Variants in TBP observed in about 807,000 individuals in gnomAD.
TBP encodes TATA-box-binding protein.
Under a neutral mutation model 46.2 loss-of-function variants are expected in TBP, and 12 were observed. The ratio of observed to expected loss-of-function variants is 0.26; its 90% CI spans 0.17 to 0.42. The LOEUF (loss-of-function observed/expected upper bound fraction) is 0.42, where lower values mean the gene tolerates loss of function less well. Among genes scored for constraint, TBP ranks in the 10% least tolerant of loss-of-function variants. The pLI, the probability that TBP is intolerant of heterozygous loss-of-function variation, is 1.00. For synonymous variants in TBP, 157 were observed against 148.3 expected, an observed-to-expected ratio of 1.06 and a Z score of -0.42; for missense variants, 229 against 403.1, an observed-to-expected ratio of 0.57 and a Z score of 3.70.
intron 3 of TBP, among the ~76,000 whole-genome samples, chr6:170,563,440 A>C (rs1016175653): frequency 6.6e-6 from 1 of 152,172 alleles, no homozygotes; most frequent in African/African-American, 2.4e-5. Flanking sequence ...AATTAATGAA[A>C]ATATATAAGA....
Position 170,561,976 on chromosome 6 carries a change from G to GCAA in TBP, c.242_243insACA (p.Gln95dup). The GCAA allele has an allele frequency of 4.7e-6, 7 of 1,475,274 alleles. No individual in the cohort carries two copies. The South Asian group carries it at 6.0e-5, about 13-fold the overall frequency. The allele number at this position is 1,475,274 out of a possible 1,614,324, so 91.4% of individuals were successfully genotyped here. A position where few individuals can be genotyped will look rare whatever the true frequency, so the allele number is the denominator to read the frequency against. ...AACAGCAACAGCAGCAGCAGCAGCA[G>GCAA]CAGCAGCAGCAGCAGCAGCAGCAGC... On this transcript the variant is annotated inframe_insertion, in exon 3 of 8. Coordinates refer to ENST00000392092, the MANE Select transcript of TBP (RefSeq NM_003194.5).
intron 4 of TBP, 52 bp from the exon 5 acceptor site, chr6:170,566,866 A>G (rs1779260505): frequency 6.4e-7 from 1 of 1,555,880 alleles, no homozygotes; most frequent in African/African-American, 1.4e-5. Context: ...TCGCCTAACA[A>G]CATTGAGCAG....
At chr6:170,558,787 G>A (rs1372056106) in intron 2 of TBP, among the ~76,000 whole-genome samples, 5 of 150,112 alleles carry the variant, frequency 3.3e-5, no homozygotes, top group Admixed American at 6.7e-5. Context: ...TCCATCTCCC[G>A]TGTTCAAGCG....
intron 5 of TBP, 52 bp downstream of exon 5, chr6:170,567,061 G>T (rs62430342): frequency 6.7e-7 from 1 of 1,483,122 alleles, no homozygotes; most frequent in South Asian, 1.2e-5. Flanking sequence ...ATGAAAAGGT[G>T]ATATCTCATT....
chr6:170,554,594 GTGC>G (rs1778978333), intron 1 of TBP, 131 bp downstream of exon 1: 1 of 152,710 alleles, frequency 6.5e-6, no homozygotes, highest in Non-Finnish European at 1.5e-5. Flanking sequence ...CCTCCCTTTC[GTGC>G]TGCCGCCGTT....
In TBP at chr6:170,561,966, AGCAGCAGCAGCAGCAGCAGCAGCAGCAG is replaced by A. The variant is rs1779152986; in HGVS notation, c.231_258del (p.Gln77HisfsTer58). The A allele has an allele frequency of 8.6e-4, 1,114 of 1,292,482 alleles. 1 individual carries two copies. The highest frequency in any genetic ancestry group is 2.5e-3 in the South Asian group (195 of 78,662). 80.1% of individuals were successfully genotyped at this position (1,292,482 alleles called of 1,614,324 possible). On this transcript the variant is annotated frameshift_variant, in exon 3 of 8. Coordinates refer to ENST00000392092, the MANE Select transcript of TBP (RefSeq NM_003194.5). LOFTEE classifies it high-confidence loss of function. ...CAGCAGCAGCAACAGCAACAGCAGC[AGCAGCAGCAGCAGCAGCAGCAGCAGCAG>A]CAGCAGCAGCAGCAGCAGCAGCAAC...
intron 4 of TBP, among the ~76,000 whole-genome samples, chr6:170,565,456 T>G (rs758194188): frequency 8.5e-5 from 13 of 152,202 alleles, no homozygotes; most frequent in Non-Finnish European, 1.8e-4. Context: ...TAGGGTGCAT[T>G]TTAAAATCCC....
chr6:170,562,114 T>A lies in TBP; in HGVS notation c.378T>A (p.Thr126=), dbSNP rs2114994860. The A allele has an allele frequency of 1.2e-6, 2 of 1,614,002 alleles. No individual in the cohort carries two copies. The highest frequency in any genetic ancestry group is 4.5e-5 in the East Asian group (2 of 44,880). The change falls in exon 3 of 8, where the codon ACT becomes ACA. Residue 126 remains threonine (T), a synonymous_variant. Coordinates refer to ENST00000392092, the MANE Select transcript of TBP (RefSeq NM_003194.5). ...GQAPQLFHSQ[T]LTTAPLPGTT... is the part of the protein sequence containing the mutation. Reference sequence around the variant, plus strand: ...CACCACAGCTCTTCCACTCACAGACTCTCACAACTGCACCCTTGCCGGGCA... The same window carrying A: ...CACCACAGCTCTTCCACTCACAGACACTCACAACTGCACCCTTGCCGGGCA...
At chr6:170,559,843 G>A (rs542635230) in intron 2 of TBP, among the ~76,000 whole-genome samples, 1 of 152,216 alleles carries the variant, frequency 6.6e-6, no homozygotes, top group East Asian at 1.9e-4. Context: ...TGGCTGACTA[G>A]TTAGGGGCTA....
intron 1 of TBP, among the ~76,000 whole-genome samples, chr6:170,555,231 C>G (rs1465338157): frequency 6.6e-6 from 1 of 152,210 alleles, no homozygotes; most frequent in East Asian, 1.9e-4. Flanking sequence ...GGATAAATCT[C>G]TAATCATACT....
At chr6:170,556,405 AAAT>A (rs1342081057) in intron 1 of TBP, among the ~76,000 whole-genome samples, 1 of 152,110 alleles carries the variant, frequency 6.6e-6, no homozygotes, top group Non-Finnish European at 1.5e-5. Flanking sequence ...GGAGCTTGAT[AAAT>A]GATCACTCTG....
At chr6:170,566,433 G>A (rs951487600) in intron 4 of TBP, among the ~76,000 whole-genome samples, 10 of 152,176 alleles carry the variant, frequency 6.6e-5, no homozygotes, top group African/African-American at 1.7e-4. Context: ...CCAATTGAAA[G>A]CATGATTTTA....
In TBP at chr6:170,566,905, C is replaced by T. The variant is rs368103631; in HGVS notation, c.586-13C>T. On this transcript the variant is annotated splice_polypyrimidine_tract_variant and intron_variant, in intron 4 of 7. Coordinates refer to ENST00000392092, the MANE Select transcript of TBP (RefSeq NM_003194.5). ...GGCATGACCTCACTAATGATTCTCTCTGACCATTGTAGCGGTTTGCTGCGG... is the reference window on the plus strand; with the variant it reads ...GGCATGACCTCACTAATGATTCTCTTTGACCATTGTAGCGGTTTGCTGCGG... 3 of 1,611,262 alleles carry T rather than the reference C, an allele frequency of 1.9e-6. No homozygotes were observed. The African/African-American group carries it at 4.0e-5, about 22-fold the overall frequency.
intron 6 of TBP, among the ~76,000 whole-genome samples, chr6:170,570,642 G>A (rs1283426963): frequency 2.6e-5 from 4 of 152,266 alleles, no homozygotes; most frequent in East Asian, 1.9e-4. Flanking sequence ...AGACCAGCCT[G>A]GCCAACATGG....
chr6:170,564,394 G>A, intron 3 of TBP, 151 bp from the exon 4 acceptor site: 4 of 498,642 alleles, frequency 8.0e-6, no homozygotes, highest in Non-Finnish European at 1.4e-5. Context: ...TGCTCAACAT[G>A]TGCATGATAC....
At chr6:170,570,761 A>C (rs910501357) in intron 6 of TBP, among the ~76,000 whole-genome samples, 8 of 152,116 alleles carry the variant, frequency 5.3e-5, no homozygotes, top group African/African-American at 1.9e-4. Flanking sequence ...CGAACCCAGG[A>C]GATGGAGGTT....
chr6:170,571,024 G>T (rs1342251614), intron 6 of TBP, among the ~76,000 whole-genome samples: 3 of 152,120 alleles, frequency 2.0e-5, no homozygotes, highest in Admixed American at 6.6e-5. Context: ...AGAAGTAAAT[G>T]ATTATTAGGA....
At position 170,564,856 on chromosome 6, in the gene TBP, T is replaced by TAAAA. The variant is rs750400341; in HGVS notation, c.585+237_585+240dup. Among the ~76,000 whole-genome samples the TAAAA allele has an allele frequency of 4.3e-5, 6 of 138,894 alleles. No individual in the cohort carries two copies. In the East Asian group the frequency reaches 1.0e-3, roughly 24 times the overall value. The allele number at this position is 138,894 out of a possible 152,430, so 91.1% of individuals were successfully genotyped here. On this transcript the variant is annotated intron_variant, in intron 4 of 7. Transcript: ENST00000392092. The stretch of plus-strand genomic sequence containing the variant: ...GGCAACATGGCAAGACCCTGTCTCT[T>TAAAA]AAAAAAAAAAAAAAAATTGGCCGGG...
At chr6:170,563,569 T>C (rs968509061) in intron 3 of TBP, among the ~76,000 whole-genome samples, 2 of 152,184 alleles carry the variant, frequency 1.3e-5, no homozygotes, top group African/African-American at 4.8e-5. Context: ...TGGAAGGAAA[T>C]AGATGATATG....
Sources: gnomAD v4.1 joint callset for allele counts (sites outside exome capture counted in the v4.1 genomes callset) on GRCh38, gnomAD v4.1.1 for gene constraint, MANE v1.5 for transcripts, NCBI Gene and HGNC (gene_info 2026-07-23, HGNC 2026-07-21) for gene names.